Variants in FOXN2 observed in about 807,000 individuals in gnomAD.
FOXN2 encodes the protein forkhead box N2, also known as forkhead box protein N2.
FOXN2 carries 19 observed loss-of-function variants against 41.2 expected under a neutral mutation model. The observed-to-expected ratio is 0.46, with a 90% CI of 0.32 to 0.68. The LOEUF is 0.68. FOXN2 is among the 30% of genes least tolerant of loss of function. The pLI is 0.03. For missense variants in FOXN2, 587 were observed against 509.4 expected, an observed-to-expected ratio of 1.15 and a Z score of -1.47; for synonymous variants, 195 against 176.8, an observed-to-expected ratio of 1.10 and a Z score of -0.82.
Position 48,379,005 on chromosome 2 carries a change from G to C in FOXN2, c.*3562G>C, listed in dbSNP as rs1364277703. ...CTATTATTTATTTTTAAATGAAAGTGTAAGAATGCTTTCTGATTCAACAAA... is the reference window on the plus strand; with the variant it reads ...CTATTATTTATTTTTAAATGAAAGTCTAAGAATGCTTTCTGATTCAACAAA... On this transcript the variant is annotated 3_prime_UTR_variant, in exon 7 of 7. Transcript: ENST00000340553. 1.3e-5 allele frequency: 2 copies of C among 152,514 alleles called. No homozygotes were observed. The highest frequency in any genetic ancestry group is 4.8e-5 in the African/African-American group (2 of 41,402). 9.4% of individuals were successfully genotyped at this position (152,514 alleles called of 1,614,324 possible).
At chr2:48,320,415 C>G (rs921278619) in intron 1 of FOXN2, among the ~76,000 whole-genome samples, 2 of 151,958 alleles carry the variant, frequency 1.3e-5, no homozygotes, top group African/African-American at 2.4e-5. Flanking sequence ...CTCAGCCTCC[C>G]GAATAGCTAG....
In FOXN2 at chr2:48,317,804, T is replaced by C. The variant is rs1285532894; in HGVS notation, c.-157+2990T>C. 7.9e-5 allele frequency among the ~76,000 whole-genome samples: 12 copies of C among 151,688 alleles called. No individual in the cohort carries two copies. In the South Asian group the frequency reaches 1.9e-3, roughly 24 times the overall value. ...TGTATTTTTAGTAGAGACGGAGTTT[T>C]ACCATGTTGGCCAGGCTGCTCTAGA... On this transcript the variant is annotated intron_variant, in intron 1 of 6. Coordinates refer to ENST00000340553, the MANE Select transcript of FOXN2 (RefSeq NM_002158.4).
intron 1 of FOXN2, among the ~76,000 whole-genome samples, chr2:48,324,413 C>T (rs143394072): frequency 0.071 from 10,817 of 152,142 alleles, 430 homozygotes; most frequent in Non-Finnish European, 0.081. Flanking sequence ...AGGCAGGTCT[C>T]GAACTCCTGA....
chr2:48,369,698 A>G (rs1361609021), intron 5 of FOXN2, among the ~76,000 whole-genome samples: 1 of 152,064 alleles, frequency 6.6e-6, no homozygotes, highest in Non-Finnish European at 1.5e-5. Context: ...AAAATTAGAA[A>G]CAAGGTAGAT....
chr2:48,326,314 A>C (rs1669670622), intron 1 of FOXN2, among the ~76,000 whole-genome samples: 1 of 152,192 alleles, frequency 6.6e-6, no homozygotes, highest in East Asian at 1.9e-4. Context: ...AGAACAAGGG[A>C]AAGAGTGGCA....
At chr2:48,367,382 C>G (rs751816117) in intron 5 of FOXN2, among the ~76,000 whole-genome samples, 4 of 152,104 alleles carry the variant, frequency 2.6e-5, no homozygotes, top group Non-Finnish European at 4.4e-5. Flanking sequence ...ACCTGGTATA[C>G]TACAAACAGA....
At chr2:48,345,613 A>G (rs1671048056) in intron 2 of FOXN2, among the ~76,000 whole-genome samples, 1 of 152,208 alleles carries the variant, frequency 6.6e-6, no homozygotes, top group African/African-American at 2.4e-5. Context: ...AAATATATAT[A>G]ATCATTATTT....
intron 5 of FOXN2, among the ~76,000 whole-genome samples, chr2:48,365,006 A>G (rs1672441683): frequency 1.3e-5 from 2 of 152,238 alleles, no homozygotes; most frequent in African/African-American, 4.8e-5. Context: ...AAGTATATCA[A>G]AATTCTGAAT....
At chr2:48,329,582 C>G (rs1669902584) in intron 2 of FOXN2, among the ~76,000 whole-genome samples, 1 of 152,076 alleles carries the variant, frequency 6.6e-6, no homozygotes, top group South Asian at 2.1e-4. Flanking sequence ...GCTGTGTCAC[C>G]TAAATCTGTG....
chr2:48,370,745 T>C (rs1672837589), intron 5 of FOXN2, among the ~76,000 whole-genome samples: 1 of 152,182 alleles, frequency 6.6e-6, no homozygotes, highest in Admixed American at 6.6e-5. Flanking sequence ...ATTTTATTCA[T>C]TCTGTAGGTT....
intron 3 of FOXN2, among the ~76,000 whole-genome samples, chr2:48,357,813 A>G (rs1372146180): frequency 1.3e-5 from 2 of 151,416 alleles, no homozygotes; most frequent in Non-Finnish European, 2.9e-5. Context: ...AGCTAAGTTA[A>G]GAAGTTTCAT....
chr2:48,346,695 C>A lies in FOXN2; in HGVS notation c.481C>A (p.Arg161=). ...TAPTGWKNSV[R]HNLSLNKCFQ... Reference sequence around the variant, plus strand: ...ACCAACAGGCTGGAAGAATTCTGTTCGACATAATCTGTCCCTGAATAAATG... The same window carrying A: ...ACCAACAGGCTGGAAGAATTCTGTTAGACATAATCTGTCCCTGAATAAATG... The change falls in exon 3 of 7, where the codon CGA becomes AGA. Residue 161 remains arginine (R), a synonymous_variant. Transcript: ENST00000340553. 1 of 1,610,538 alleles carries A rather than the reference C, an allele frequency of 6.2e-7. No individual in the cohort carries two copies. Among genetic ancestry groups the A allele is most frequent in the Non-Finnish European group, 8.5e-7 (1 of 1,178,968 alleles).
chr2:48,341,523 CACAA>C (rs1236103332), intron 2 of FOXN2, among the ~76,000 whole-genome samples: 2 of 152,104 alleles, frequency 1.3e-5, no homozygotes, highest in African/African-American at 4.8e-5. Context: ...TGAAATTTGT[CACAA>C]ACAAGTAATA....
At chr2:48,374,779 T>C (rs1284693811) in intron 6 of FOXN2, 141 bp from the exon 7 acceptor site, 8 of 693,824 alleles carry the variant, frequency 1.2e-5, no homozygotes. Context: ...TGATGTGATC[T>C]GGGTAAAAAA....
At chr2:48,334,023 A>G (rs1670183066) in intron 2 of FOXN2, among the ~76,000 whole-genome samples, 1 of 152,122 alleles carries the variant, frequency 6.6e-6, no homozygotes, top group Non-Finnish European at 1.5e-5. Flanking sequence ...ATACAGTACC[A>G]TTGAGGACTA....
rs1673265748 is a variant in FOXN2, at chr2:48,376,586, G to T, written c.*1143G>T. 6.6e-6 allele frequency: 1 copy of T among 152,428 alleles called. No homozygotes were observed. The highest frequency in any genetic ancestry group is 1.5e-5 in the Non-Finnish European group (1 of 67,918). The allele number at this position is 152,428 out of a possible 1,614,324, so 9.4% of individuals were successfully genotyped here. ...TGCAATACACCTTTTTGAGGAGGCAGTGTAACAACCTATAGTGCCATTGAT... is the reference window on the plus strand; with the variant it reads ...TGCAATACACCTTTTTGAGGAGGCATTGTAACAACCTATAGTGCCATTGAT... On this transcript the variant is annotated 3_prime_UTR_variant, in exon 7 of 7. Transcript: ENST00000340553.
Position 48,336,039 on chromosome 2 carries a change from A to AT in FOXN2, c.-15+7337_-15+7338insT, listed in dbSNP as rs1257283435. On this transcript the variant is annotated intron_variant, in intron 2 of 6. Coordinates refer to ENST00000340553, the MANE Select transcript of FOXN2 (RefSeq NM_002158.4). ...CAAGACTCTGTCTCAAAAAAAAAAA[A>AT]AATAATAAAATAAAAAATAAAAAGC... Among the ~76,000 whole-genome samples the AT allele has an allele frequency of 7.5e-3, 1,129 of 150,056 alleles. 19 individuals carry two copies. The highest frequency in any genetic ancestry group is 0.026 in the African/African-American group (1,062 of 40,910).
intron 1 of FOXN2, among the ~76,000 whole-genome samples, chr2:48,325,003 A>G (rs1436861393): frequency 1.3e-5 from 2 of 152,216 alleles, no homozygotes. Context: ...AAGCAAGCAT[A>G]TAGAGAAATG....
rs113060402 is a variant in FOXN2, at chr2:48,332,733, A to G, written c.-15+4031A>G. Among the ~76,000 whole-genome samples, 1,163 of 152,326 alleles carry G rather than the reference A, an allele frequency of 7.6e-3. 23 individuals are homozygous for G. Among genetic ancestry groups the G allele is most frequent in the African/African-American group, 0.026 (1,096 of 41,574 alleles). On this transcript the variant is annotated intron_variant, in intron 2 of 6. Coordinates refer to ENST00000340553, the MANE Select transcript of FOXN2 (RefSeq NM_002158.4). ...TATAGTAGTAATAATCATCATTACC[A>G]TCTCTGCAGCGAGTATTCATTGTAT...
Sources: gnomAD v4.1 joint callset for allele counts (sites outside exome capture counted in the v4.1 genomes callset) on GRCh38, gnomAD v4.1.1 for gene constraint, MANE v1.5 for transcripts, NCBI Gene and HGNC (gene_info 2026-07-23, HGNC 2026-07-21) for gene names.